Variants in GPHN observed in about 807,000 individuals in gnomAD.
The protein encoded by GPHN is gephyrin.
In GPHN, 17 loss-of-function variants were observed where a neutral mutation model predicts 95.5. That is an observed-to-expected ratio of 0.18 (90% CI 0.12 to 0.27). The LOEUF (loss-of-function observed/expected upper bound fraction) is 0.27, where lower values mean the gene tolerates loss of function less well. GPHN is among the 10% of genes least tolerant of loss of function. The pLI is 1.00. For missense variants in GPHN, 660 were observed against 978.1 expected, an observed-to-expected ratio of 0.67 and a Z score of 4.34; for synonymous variants, 320 against 322.5, an observed-to-expected ratio of 0.99 and a Z score of 0.08.
At chr14:66,689,907 C>CT (rs994217301) in intron 2 of GPHN, among the ~76,000 whole-genome samples, 1 of 151,132 alleles carries the variant, frequency 6.6e-6, no homozygotes, top group African/African-American at 2.4e-5. Flanking sequence ...TTATTTGAGT[C>CT]TTTTTTTATC....
chr14:67,532,512 C>T, the GPHN span, among the ~76,000 whole-genome samples: 1 of 152,066 alleles, frequency 6.6e-6, no homozygotes, highest in Non-Finnish European at 1.5e-5. Context: ...TGTCTGAGAA[C>T]GAGGAGCACA....
the GPHN span, chr14:67,541,898 AGC>A: frequency 1.9e-6 from 3 of 1,603,782 alleles, no homozygotes; most frequent in South Asian, 3.4e-5. Flanking sequence ...GGCGCCGGCC[AGC>A]GTAGACTGGC....
At chr14:66,872,272 C>T (rs897115998) in intron 4 of GPHN, among the ~76,000 whole-genome samples, 1 of 152,062 alleles carries the variant, frequency 6.6e-6, no homozygotes, top group South Asian at 2.1e-4. Context: ...AAACCTTTCT[C>T]TCTATACCTT....
intron 8 of GPHN, 114 bp downstream of exon 8, chr14:66,924,406 A>C (rs2066373065): frequency 1.4e-6 from 1 of 722,504 alleles, no homozygotes; most frequent in African/African-American, 1.7e-5. Flanking sequence ...ATGGATTTTC[A>C]GCCTTGCTTT....
chr14:67,600,018 C>T, the GPHN span: 14,539 of 1,554,710 alleles, frequency 9.4e-3, 77 homozygotes, highest in Non-Finnish European at 0.012. Context: ...GCCGACTTGC[C>T]ATTACCTCGC....
intron 1 of GPHN, among the ~76,000 whole-genome samples, chr14:66,633,549 A>T (rs973297926): frequency 1.3e-5 from 2 of 152,158 alleles, no homozygotes; most frequent in Non-Finnish European, 2.9e-5. Context: ...GCTGAATAGT[A>T]TTCCAGTGTA....
At chr14:66,612,705 C>T (rs1010920043) in intron 1 of GPHN, among the ~76,000 whole-genome samples, 2 of 150,910 alleles carry the variant, frequency 1.3e-5, no homozygotes, top group African/African-American at 2.5e-5. Flanking sequence ...CAGAAACTTT[C>T]TATTGCCTCT....
At chr14:67,122,029 A>G (rs894517875) in intron 16 of GPHN, among the ~76,000 whole-genome samples, 2 of 152,158 alleles carry the variant, frequency 1.3e-5, no homozygotes, top group Middle Eastern at 3.2e-3. Context: ...ATGCAGTTCA[A>G]TCGCCAGTGA....
Position 66,580,445 on chromosome 14 carries a change from A to C in GPHN, c.64+71854A>C, listed in dbSNP as rs555768405. Among the ~76,000 whole-genome samples the C allele has an allele frequency of 2.0e-5, 3 of 150,598 alleles. No individual in the cohort carries two copies. In the East Asian group the frequency reaches 5.9e-4, roughly 29 times the overall value. ...GTTTTTTTAAAAGATAAAATTGACA[A>C]ACCTTTAGCTAGACTGAAAAAATAG... On this transcript the variant is annotated intron_variant, in intron 1 of 22. Transcript: ENST00000478722.
intron 1 of GPHN, among the ~76,000 whole-genome samples, chr14:66,523,407 A>G (rs1270725527): frequency 6.6e-6 from 1 of 152,112 alleles, no homozygotes; most frequent in Non-Finnish European, 1.5e-5. Flanking sequence ...TTGCTACACT[A>G]GAGATCTGGA....
intron 18 of GPHN, among the ~76,000 whole-genome samples, chr14:67,149,603 A>G (rs1211941935): frequency 6.6e-6 from 1 of 152,196 alleles, no homozygotes; most frequent in Non-Finnish European, 1.5e-5. Context: ...GAAAAACAAA[A>G]GAACACTTAT....
the GPHN span, among the ~76,000 whole-genome samples, chr14:67,566,274 A>G: frequency 2.5e-5 from 2 of 80,968 alleles, no homozygotes; most frequent in Admixed American, 3.1e-4. Context: ...CAGGAAGACT[A>G]GGGGATGGAA....
At chr14:66,530,444 G>C (rs113742831) in intron 1 of GPHN, among the ~76,000 whole-genome samples, 1 of 152,014 alleles carries the variant, frequency 6.6e-6, no homozygotes, top group South Asian at 2.1e-4. Flanking sequence ...CCCCCTTTCC[G>C]GGGGAGTGAA....
the GPHN span, among the ~76,000 whole-genome samples, chr14:67,478,902 G>A: frequency 1.2e-3 from 152 of 131,748 alleles, no homozygotes; most frequent in African/African-American, 3.7e-3. Flanking sequence ...GTTTAAGATA[G>A]TGGTAAGAGA....
At chr14:67,357,462 A>T in the GPHN span, among the ~76,000 whole-genome samples, 1 of 152,336 alleles carries the variant, frequency 6.6e-6, no homozygotes, top group East Asian at 1.9e-4. Flanking sequence ...TTTTCCTCTC[A>T]ATCAGCAAGC....
intron 4 of GPHN, among the ~76,000 whole-genome samples, chr14:66,854,935 C>A (rs141951502): frequency 0.012 from 1,784 of 151,742 alleles, 15 homozygotes; most frequent in Non-Finnish European, 0.018. Context: ...GCAACTTCTG[C>A]CCCCCGGATT....
At chr14:67,347,312 T>A in the GPHN span, 1 of 961,232 alleles carries the variant, frequency 1.0e-6, no homozygotes, top group Non-Finnish European at 1.6e-6. Flanking sequence ...CTCAGGAACC[T>A]CTCAACATCT....
At chr14:67,494,621 C>G in the GPHN span, among the ~76,000 whole-genome samples, 1 of 152,196 alleles carries the variant, frequency 6.6e-6, no homozygotes, top group Non-Finnish European at 1.5e-5. Context: ...TAGGGGATGC[C>G]TAGACCAGCT....
chr14:66,603,496 A>G (rs1183787362), intron 1 of GPHN, among the ~76,000 whole-genome samples: 2 of 151,944 alleles, frequency 1.3e-5, no homozygotes, highest in East Asian at 3.8e-4. Flanking sequence ...TGCCTGTATC[A>G]TAAGTGATCT....
Sources: gnomAD v4.1 joint callset for allele counts (sites outside exome capture counted in the v4.1 genomes callset) on GRCh38, gnomAD v4.1.1 for gene constraint, MANE v1.5 for transcripts, NCBI Gene and HGNC (gene_info 2026-07-23, HGNC 2026-07-21) for gene names.